The following ALG14 variants were observed in gnomAD, a reference collection of about 807,000 sequenced individuals.
ALG14 encodes ALG14 UDP-N-acetylglucosaminyltransferase subunit.
In ALG14, 17 loss-of-function variants were observed where a neutral mutation model predicts 22.8. The ratio of observed to expected loss-of-function variants is 0.75; its 90% CI spans 0.51 to 1.12. The LOEUF is 1.12. ALG14 is among the 50% of genes most tolerant of loss of function. ALG14 has a pLI of 0.00. For missense variants in ALG14, 288 were observed against 271.8 expected (o/e 1.06, Z -0.42); for synonymous variants, 89 against 103.7 (o/e 0.86, Z 0.86).
rs560566812 is a variant in ALG14 at position 94,996,929 on chromosome 1, C to T, written c.421-13623G>A. On this transcript the variant is annotated intron_variant, in intron 3 of 3. Transcript: ENST00000370205. ...AATTCCTGACCTCAGGTGATCCACC[C>T]GCCTTGGCATCCCAAAGTGCTGGTA... Among the ~76,000 whole-genome samples, 30 of 152,206 alleles carry T rather than the reference C, an allele frequency of 2.0e-4. No homozygotes were observed. The South Asian group carries it at 4.8e-3, about 24-fold the overall frequency.
At chr1:94,999,526 T>G (rs1673004206) in intron 3 of ALG14, among the ~76,000 whole-genome samples, 1 of 152,004 alleles carries the variant, frequency 6.6e-6, no homozygotes, top group Non-Finnish European at 1.5e-5. Context: ...TTCCCTCCTC[T>G]CTCACTCTGT....
chr1:95,002,992 G>A (rs569677155), intron 3 of ALG14, among the ~76,000 whole-genome samples: 1 of 152,336 alleles, frequency 6.6e-6, no homozygotes, highest in South Asian at 2.1e-4. Flanking sequence ...ACTTAAGTGT[G>A]AGTGAAAGCA....
At chr1:95,020,678 C>T (rs577162195) in intron 3 of ALG14, among the ~76,000 whole-genome samples, 3 of 149,514 alleles carry the variant, frequency 2.0e-5, no homozygotes, top group African/African-American at 5.0e-5. Context: ...CCAGAGGTCA[C>T]GGTGAGCCAA....
intron 3 of ALG14, among the ~76,000 whole-genome samples, chr1:94,999,127 A>G (rs1672985402): frequency 1.3e-5 from 2 of 152,256 alleles, no homozygotes; most frequent in Non-Finnish European, 1.5e-5. Flanking sequence ...CAGTCCTGAG[A>G]GTCTTTAAAA....
intron 3 of ALG14, among the ~76,000 whole-genome samples, chr1:94,986,585 G>A (rs1672649678): frequency 6.6e-6 from 1 of 151,918 alleles, no homozygotes; most frequent in Non-Finnish European, 1.5e-5. Flanking sequence ...TGATTCTCCT[G>A]CCTCAGCCTC....
intron 3 of ALG14, among the ~76,000 whole-genome samples, chr1:94,995,669 G>A (rs867048770): frequency 1.2e-4 from 19 of 152,210 alleles, no homozygotes; most frequent in African/African-American, 4.3e-4. Flanking sequence ...AGCTGAGATC[G>A]TGCCATTGCA....
chr1:95,008,220 A>T (rs983556493), intron 3 of ALG14, among the ~76,000 whole-genome samples: 1 of 152,190 alleles, frequency 6.6e-6, no homozygotes, highest in African/African-American at 2.4e-5. Context: ...CACAGTAAGC[A>T]GGTATCTGTA....
Position 94,976,679 on chromosome 1 carries a change from G to A in ALG14, c.*6397C>T, listed in dbSNP as rs1221133676. The A allele has an allele frequency of 6.6e-6, 1 of 151,834 alleles. No homozygotes were observed. The highest frequency in any genetic ancestry group is 6.6e-5 in the Admixed American group (1 of 15,222). The allele number at this position is 151,834 out of a possible 1,614,324, so 9.4% of individuals were successfully genotyped here. A position where few individuals can be genotyped will look rare whatever the true frequency, so the allele number is the denominator to read the frequency against. ...AGCACTCCAGCCTGGGTGACAGAGT[G>A]AGACTCCGTCTTAAAGAAAAAAAAA... On this transcript the variant is annotated 3_prime_UTR_variant, in exon 4 of 4. Transcript: ENST00000370205.
At chr1:95,035,950 T>A (rs970180868) in intron 2 of ALG14, 1 of 152,250 alleles carries the variant, frequency 6.6e-6, no homozygotes, top group African/African-American at 2.4e-5. Context: ...CTTTCTTTCA[T>A]AACTATTTAA....
intron 2 of ALG14, among the ~76,000 whole-genome samples, chr1:95,050,337 A>T (rs927155255): frequency 2.0e-5 from 3 of 152,214 alleles, no homozygotes; most frequent in South Asian, 2.1e-4. Context: ...ACACAATTAT[A>T]GTGCATTATT....
At chr1:94,993,905 G>C (rs565167786) in intron 3 of ALG14, among the ~76,000 whole-genome samples, 1 of 152,306 alleles carries the variant, frequency 6.6e-6, no homozygotes, top group South Asian at 2.1e-4. Context: ...GTGCTACACA[G>C]TCTGCACGTT....
In ALG14 at chr1:94,974,763, C is replaced by T. The variant is rs1016784796; in HGVS notation, c.*8313G>A. On this transcript the variant is annotated 3_prime_UTR_variant, in exon 4 of 4. Coordinates refer to ENST00000370205, the MANE Select transcript of ALG14 (RefSeq NM_144988.4). ...TTTGTGACAAATTATTCCAAAACTT[C>T]GTGGTGGAAAACTACTACCATTTAA... 1.3e-5 allele frequency: 2 copies of T among 152,158 alleles called. No individual in the cohort carries two copies. Among genetic ancestry groups the T allele is most frequent in the African/African-American group, 4.8e-5 (2 of 41,428 alleles). The allele number at this position is 152,158 out of a possible 1,614,324, so 9.4% of individuals were successfully genotyped here.
chr1:95,051,675 G>A (rs1271848493), intron 2 of ALG14, among the ~76,000 whole-genome samples: 7 of 152,094 alleles, frequency 4.6e-5, no homozygotes, highest in Admixed American at 2.6e-4. Flanking sequence ...TGCTTCCTTC[G>A]CTTTGGCTAC....
intron 3 of ALG14, among the ~76,000 whole-genome samples, chr1:94,995,845 C>G (rs1269403754): frequency 6.6e-6 from 1 of 152,232 alleles, no homozygotes; most frequent in Non-Finnish European, 1.5e-5. Flanking sequence ...AATTGTCCAT[C>G]ACACATTTCC....
rs1218634941 is a variant in ALG14, at chr1:94,980,940, CT to C, written c.*2135del. Reference sequence around the variant, plus strand: ...TATAGCATCTTTTCTACAATTCTCTCTGGTCTGATCTTTGTTAAGCTCTGAC... The same window carrying C: ...TATAGCATCTTTTCTACAATTCTCTCGGTCTGATCTTTGTTAAGCTCTGAC... On this transcript the variant is annotated 3_prime_UTR_variant, in exon 4 of 4. Coordinates refer to ENST00000370205, the MANE Select transcript of ALG14 (RefSeq NM_144988.4). 4 of 94,914 alleles carry C rather than the reference CT, an allele frequency of 4.2e-5. No individual in the cohort carries two copies. The highest frequency in any genetic ancestry group is 8.0e-5 in the Non-Finnish European group (4 of 49,930). 5.9% of individuals were successfully genotyped at this position (94,914 alleles called of 1,614,324 possible). A position where few individuals can be genotyped will look rare whatever the true frequency, so the allele number is the denominator to read the frequency against.
Position 94,975,128 on chromosome 1 carries a change from C to T in ALG14, c.*7948G>A, listed in dbSNP as rs1672369728. 1 of 152,280 alleles carries T rather than the reference C, an allele frequency of 6.6e-6. No homozygotes were observed. The highest frequency in any genetic ancestry group is 1.5e-5 in the Non-Finnish European group (1 of 68,108). The allele number at this position is 152,280 out of a possible 1,614,324, so 9.4% of individuals were successfully genotyped here. A position where few individuals can be genotyped will look rare whatever the true frequency, so the allele number is the denominator to read the frequency against. ...CATTTTCATCACCTCCAAAAGAAGC[C>T]TCATACCCATTAGGAGTTGCCCTCC... On this transcript the variant is annotated 3_prime_UTR_variant, in exon 4 of 4. Transcript: ENST00000370205.
At chr1:95,020,029 C>G (rs1160604733) in intron 3 of ALG14, among the ~76,000 whole-genome samples, 1 of 151,860 alleles carries the variant, frequency 6.6e-6, no homozygotes, top group Non-Finnish European at 1.5e-5. Flanking sequence ...ACCAGCCTGG[C>G]CAACATGGTA....
At position 95,047,016 on chromosome 1, in the gene ALG14, C is replaced by CATAACATAACATAACATAAG. The variant is rs1557645748; in HGVS notation, c.288+17849_288+17850insCTTATGTTATGTTATGTTAT. On this transcript the variant is annotated intron_variant, in intron 2 of 3. Transcript: ENST00000370205. ...CATAACATAACATAACATAACATAA[C>CATAACATAACATAACATAAG]ATAACATAACATAACATAACGACAT... is the stretch of plus-strand genomic sequence containing the variant. Among the ~76,000 whole-genome samples the CATAACATAACATAACATAAG allele has an allele frequency of 1.3e-4, 19 of 146,136 alleles. 1 individual carries two copies. The highest frequency in any genetic ancestry group is 4.8e-4 in the African/African-American group (19 of 39,806).
intron 3 of ALG14, chr1:95,022,265 A>G (rs1300656420): frequency 2.1e-6 from 2 of 957,948 alleles, no homozygotes; most frequent in African/African-American, 3.5e-5. Context: ...GTGAAACAGA[A>G]GCTATAACAT....
Sources: allele counts gnomAD v4.1 joint callset (sites outside exome capture counted in the v4.1 genomes callset), GRCh38; gene constraint gnomAD v4.1.1; transcripts MANE v1.5; gene names NCBI Gene and HGNC (gene_info 2026-07-23, HGNC 2026-07-21).